DTHD1: variants seen among roughly 807,000 people sequenced by gnomAD.
DTHD1 encodes death domain containing 1.
Under a neutral mutation model 74.8 loss-of-function variants are expected in DTHD1, and 59 were observed. That is an observed-to-expected ratio of 0.79 (90% CI 0.64 to 0.98). The LOEUF is 0.98. DTHD1 is among the 50% of genes least tolerant of loss of function. The pLI is 0.00. For synonymous variants in DTHD1, 365 were observed against 371.1 expected, an observed-to-expected ratio of 0.98 and a Z score of 0.19; for missense variants, 1,051 against 1,065.4, an observed-to-expected ratio of 0.99 and a Z score of 0.19.
intron 8 of DTHD1, among the ~76,000 whole-genome samples, chr4:36,334,271 G>A (rs1758867318): frequency 6.6e-6 from 1 of 152,010 alleles, no homozygotes; most frequent in Non-Finnish European, 1.5e-5. Context: ...GAATCCAAGT[G>A]TGAGCTTCCC....
intron 5 of DTHD1, among the ~76,000 whole-genome samples, chr4:36,299,921 G>A (rs374278671): frequency 3.9e-5 from 6 of 152,216 alleles, no homozygotes; most frequent in Middle Eastern, 3.4e-3. Flanking sequence ...AGTGAGCTGA[G>A]ATCATGCCAC....
chr4:36,331,101 G>A (rs1344802934), intron 8 of DTHD1, among the ~76,000 whole-genome samples: 1 of 152,048 alleles, frequency 6.6e-6, no homozygotes, highest in Non-Finnish European at 1.5e-5. Flanking sequence ...TGTGATGTCT[G>A]TGTAGGATTT....
At position 36,281,717 on chromosome 4, in the gene DTHD1, G is replaced by A; in HGVS notation, c.-42G>A. On this transcript the variant is annotated 5_prime_UTR_variant, in exon 1 of 10. Transcript: ENST00000639862. The stretch of plus-strand genomic sequence containing the variant: ...AAGTTTGAATTTGCAAAACCTTTAG[G>A]CTTTGCTGGCAGGAGAGAAAATACC... The A allele has an allele frequency of 8.1e-7, 1 of 1,234,788 alleles. No homozygotes were observed. The highest frequency in any genetic ancestry group is 1.0e-6 in the Non-Finnish European group (1 of 988,682). The allele number at this position is 1,234,788 out of a possible 1,614,324, so 76.5% of individuals were successfully genotyped here. A position where few individuals can be genotyped will look rare whatever the true frequency, so the allele number is the denominator to read the frequency against.
At chr4:36,297,818 C>G (rs1318966707) in intron 5 of DTHD1, among the ~76,000 whole-genome samples, 1 of 152,094 alleles carries the variant, frequency 6.6e-6, no homozygotes, top group Admixed American at 6.6e-5. Context: ...GAATCAATTC[C>G]TCGAGTTCCC....
At chr4:36,295,146 T>C (rs1193021450) in intron 5 of DTHD1, 107 bp downstream of exon 5, 12 of 1,231,034 alleles carry the variant, frequency 9.7e-6, no homozygotes, top group Non-Finnish European at 1.3e-5. Context: ...TATTAAAATA[T>C]TATGAAATAT....
intron 5 of DTHD1, among the ~76,000 whole-genome samples, chr4:36,302,590 G>A (rs561056530): frequency 7.2e-5 from 11 of 152,188 alleles, no homozygotes; most frequent in South Asian, 2.1e-4. Context: ...TAAATATGAC[G>A]TTTTAAAATA....
intron 8 of DTHD1, among the ~76,000 whole-genome samples, chr4:36,317,718 T>G (rs1578472498): frequency 6.6e-6 from 1 of 152,222 alleles, no homozygotes; most frequent in East Asian, 1.9e-4. Flanking sequence ...AAAATTACGT[T>G]GTAAAATAGT....
chr4:36,291,413 A>G (rs1468468994), intron 3 of DTHD1, among the ~76,000 whole-genome samples: 1 of 152,034 alleles, frequency 6.6e-6, no homozygotes, highest in Non-Finnish European at 1.5e-5. Flanking sequence ...ACGGAAGCCT[A>G]TAAACACATG....
At chr4:36,316,212 T>C (rs568575542) in intron 7 of DTHD1, 30 bp from the exon 8 acceptor site, 95 of 1,542,866 alleles carry the variant, frequency 6.2e-5, no homozygotes, top group South Asian at 3.2e-4. Context: ...GATAACTTAA[T>C]GGTAATAAAT....
At chr4:36,291,558 G>A (rs1239656169) in intron 3 of DTHD1, among the ~76,000 whole-genome samples, 2 of 152,220 alleles carry the variant, frequency 1.3e-5, no homozygotes, top group African/African-American at 4.8e-5. Context: ...GCCAGGCGTG[G>A]TGGCTTAGGC....
At chr4:36,303,122 A>C (rs1479494363) in intron 5 of DTHD1, among the ~76,000 whole-genome samples, 1 of 152,240 alleles carries the variant, frequency 6.6e-6, no homozygotes, top group Non-Finnish European at 1.5e-5. Context: ...CATTTAAAAA[A>C]TAAATCTTTA....
rs770256085 is a variant in DTHD1 at position 36,290,684 on chromosome 4, G to A, written c.1199G>A (p.Gly400Glu). ...SSYLNPNSLE[G>E]MKGGYKGTCA... ...TACCTAAACCCAAATTCACTAGAAG[G>A]AATGAAGGGAGGTTATAAGGTTAGT... Residue 400 changes from glycine to glutamate, a missense_variant, in exon 3 of 10, where the codon GGA becomes GAA. Transcript: ENST00000639862. 1 of 1,541,058 alleles carries A rather than the reference G, an allele frequency of 6.5e-7. No homozygotes were observed. The highest frequency in any genetic ancestry group is 8.7e-7 in the Non-Finnish European group (1 of 1,146,408).
intron 7 of DTHD1, among the ~76,000 whole-genome samples, chr4:36,309,174 G>A (rs1189326937): frequency 3.3e-5 from 5 of 152,228 alleles, no homozygotes; most frequent in South Asian, 2.1e-4. Flanking sequence ...TGTGGCTCAC[G>A]CCTGTAATCC....
chr4:36,290,446 C>T lies in DTHD1; in HGVS notation c.961C>T (p.Gln321Ter). 1 of 1,551,900 alleles carries T rather than the reference C, an allele frequency of 6.4e-7. No homozygotes were observed. The highest frequency in any genetic ancestry group is 1.4e-5 in the African/African-American group (1 of 73,164). ...CYITAPSYVL[Q>*]QLECRIINHM... Reference sequence around the variant, plus strand: ...TATTACAGCACCATCATATGTTCTACAACAACTAGAATGCCGGATAATAAA... The same window carrying T: ...TATTACAGCACCATCATATGTTCTATAACAACTAGAATGCCGGATAATAAA... The change falls in exon 3 of 10, where the codon CAA (glutamine) becomes TAA (stop). Residue 321 changes from glutamine (Q) to a stop codon, truncating the protein, a stop_gained. Transcript: ENST00000639862. LOFTEE classifies it high-confidence loss of function.
chr4:36,320,280 A>G (rs146139588), intron 8 of DTHD1, among the ~76,000 whole-genome samples: 2 of 152,284 alleles, frequency 1.3e-5, no homozygotes, highest in African/African-American at 4.8e-5. Context: ...GACATTACCA[A>G]AATTGAGAAT....
At chr4:36,316,607 TAAAG>T in intron 8 of DTHD1, 121 bp downstream of exon 8, 3 of 1,052,188 alleles carry the variant, frequency 2.9e-6, no homozygotes, top group Non-Finnish European at 4.0e-6. Flanking sequence ...ATAGAGGTAA[TAAAG>T]AAGGAGTAGG....
intron 8 of DTHD1, among the ~76,000 whole-genome samples, chr4:36,337,477 A>G (rs1759078389): frequency 6.6e-6 from 1 of 152,230 alleles, no homozygotes; most frequent in East Asian, 1.9e-4. Context: ...CTCAATATGT[A>G]TCTCTTGTCC....
chr4:36,291,390 C>G (rs550326645), intron 3 of DTHD1, among the ~76,000 whole-genome samples: 6 of 152,198 alleles, frequency 3.9e-5, no homozygotes, highest in African/African-American at 1.4e-4. Flanking sequence ...AGATAATAAA[C>G]TTATGAAGAG....
At chr4:36,318,555 C>T (rs540189503) in intron 8 of DTHD1, among the ~76,000 whole-genome samples, 3 of 151,892 alleles carry the variant, frequency 2.0e-5, no homozygotes, top group African/African-American at 7.3e-5. Flanking sequence ...GACAGTATAG[C>T]CAGCCAATCT....
Sources: allele counts gnomAD v4.1 joint callset (sites outside exome capture counted in the v4.1 genomes callset), GRCh38; gene constraint gnomAD v4.1.1; transcripts MANE v1.5; gene names NCBI Gene and HGNC (gene_info 2026-07-23, HGNC 2026-07-21).